AJAP1: variants seen among roughly 807,000 people sequenced by gnomAD.
The protein encoded by AJAP1 is adherens junction-associated protein 1.
Under a neutral mutation model 35.0 loss-of-function variants are expected in AJAP1, and 5 were observed. The ratio of observed to expected loss-of-function variants is 0.14; its 90% confidence interval spans 0.07 to 0.30. The LOEUF is 0.30. Among genes scored for constraint, AJAP1 ranks in the 10% least tolerant of loss-of-function variants. The pLI is 1.00. For synonymous variants in AJAP1, 284 were observed against 249.3 expected (o/e 1.14, Z -1.31); for missense variants, 586 against 571.0 (o/e 1.03, Z -0.27).
Position 4,711,944 on chromosome 1 carries a change from C to A in AJAP1, c.74C>A (p.Ala25Asp). 1 of 1,564,390 alleles carries A rather than the reference C, an allele frequency of 6.4e-7. No homozygotes were observed. The change falls in exon 2 of 6, where the codon GCC becomes GAC. Residue 25 changes from alanine to aspartate, a missense_variant. By Grantham distance (126) the Ala-to-Asp change is moderately radical. Transcript: ENST00000378191. Reference protein sequence around the residue: ...RWPGRPLGSHAWILIAMFQLA... With the variant: ...RWPGRPLGSHDWILIAMFQLA... ...CCGGGCCGCCCCCTCGGAAGCCATG[C>A]CTGGATACTGATAGCCATGTTTCAG...
intron 2 of AJAP1, among the ~76,000 whole-genome samples, chr1:4,762,674 C>T (rs1641595099): frequency 1.3e-5 from 2 of 152,162 alleles, no homozygotes; most frequent in African/African-American, 4.8e-5. Context: ...TAAACTATAA[C>T]CAAGAATATA....
rs903354663 is a variant in AJAP1 at position 4,772,156 on chromosome 1, G to A, written c.918-124G>A. 66 of 1,243,140 alleles carry A rather than the reference G, an allele frequency of 5.3e-5. No individual in the cohort carries two copies. In the Middle Eastern group the frequency reaches 7.7e-4, roughly 15 times the overall value. The allele number at this position is 1,243,140 out of a possible 1,614,324, so 77.0% of individuals were successfully genotyped here. On this transcript the variant is annotated intron_variant, in intron 3 of 5. Coordinates refer to ENST00000378191, the MANE Select transcript of AJAP1 (RefSeq NM_018836.4). ...CTTTCTGAAGAGGCTGGGAATTACC[G>A]TTTAATATGAAATGATGCGTAGCTC...
chr1:4,692,473 A>G lies in AJAP1; in HGVS notation c.30-19427A>G, dbSNP rs1431678715. 6.6e-6 allele frequency among the ~76,000 whole-genome samples: 1 copy of G among 152,162 alleles called. No homozygotes were observed. The highest frequency in any genetic ancestry group is 2.4e-5 in the African/African-American group (1 of 41,418). ...TAATTGCTTTGCTGGCTGGGTCCCA[A>G]GGAAGCACCTGCCCCCAAATTCCCC... On this transcript the variant is annotated intron_variant, in intron 1 of 5. Transcript: ENST00000378191. This position sits in a 1 kb window ranked among gnomAD's most constrained non-coding sequence, Gnocchi z 4.4.
chr1:4,753,328 T>G (rs1326823467), intron 2 of AJAP1, among the ~76,000 whole-genome samples: 1 of 149,158 alleles, frequency 6.7e-6, no homozygotes, highest in Admixed American at 6.6e-5. Flanking sequence ...AGGCCCAGTT[T>G]CCTCTTACAC....
chr1:4,661,147 G>C (rs6426432), intron 1 of AJAP1, among the ~76,000 whole-genome samples: 115,786 of 152,190 alleles, frequency 0.76, 44,723 homozygotes, highest in African/African-American at 0.86. Context: ...GGTGCTCTAT[G>C]AGGACTTGTT....
chr1:4,686,668 C>T (rs372864630), intron 1 of AJAP1, among the ~76,000 whole-genome samples: 284 of 152,322 alleles, frequency 1.9e-3, no homozygotes, highest in African/African-American at 6.2e-3. Flanking sequence ...CCGATCTCAA[C>T]GCCATGAAAT....
chr1:4,721,810 T>A (rs1640522019), intron 2 of AJAP1, among the ~76,000 whole-genome samples: 1 of 152,216 alleles, frequency 6.6e-6, no homozygotes, highest in Non-Finnish European at 1.5e-5. Flanking sequence ...ACACTGCCAA[T>A]GCACCTTGCA....
intron 2 of AJAP1, among the ~76,000 whole-genome samples, chr1:4,717,553 A>G (rs1314681240): frequency 6.6e-6 from 1 of 152,178 alleles, no homozygotes; most frequent in African/African-American, 2.4e-5. Context: ...AAATTTTTAC[A>G]TTGGAATTCA....
At chr1:4,680,371 C>T (rs924760611) in intron 1 of AJAP1, among the ~76,000 whole-genome samples, 5 of 152,190 alleles carry the variant, frequency 3.3e-5, no homozygotes, top group Admixed American at 2.0e-4. Context: ...AATATGACCT[C>T]ATCTTAAATA....
chr1:4,779,093 A>T (rs1642011602), intron 5 of AJAP1, among the ~76,000 whole-genome samples: 1 of 152,194 alleles, frequency 6.6e-6, no homozygotes. Flanking sequence ...CAGGAGACAG[A>T]AGTAAAATAG....
intron 1 of AJAP1, among the ~76,000 whole-genome samples, chr1:4,665,935 G>A (rs1485889617): frequency 1.3e-5 from 2 of 152,220 alleles, no homozygotes; most frequent in African/African-American, 4.8e-5. Flanking sequence ...CCTTCTCAGA[G>A]GATGAGAGGA....
intron 1 of AJAP1, among the ~76,000 whole-genome samples, chr1:4,699,966 C>G (rs1639949841): frequency 6.6e-6 from 1 of 152,202 alleles, no homozygotes; most frequent in South Asian, 2.1e-4. Context: ...CTTTTTCTCT[C>G]TGCGTGCCGT....
chr1:4,774,708 G>C (rs2272877), intron 5 of AJAP1, 150 bp downstream of exon 5: 4 of 572,904 alleles, frequency 7.0e-6, no homozygotes, highest in South Asian at 2.1e-5. Flanking sequence ...TGAGCCGGCG[G>C]GGGGGGCTGG....
chr1:4,737,880 C>T (rs572689850), intron 2 of AJAP1, among the ~76,000 whole-genome samples: 5 of 152,264 alleles, frequency 3.3e-5, no homozygotes, highest in South Asian at 2.1e-4. Context: ...CCAGCCTGGG[C>T]GACAGAGCGA....
Position 4,791,093 on chromosome 1 carries a change from C to T in AJAP1, c.*8608C>T, listed in dbSNP as rs1642242104. The T allele has an allele frequency of 6.6e-6, 1 of 152,186 alleles. No individual in the cohort carries two copies. The highest frequency in any genetic ancestry group is 1.5e-5 in the Non-Finnish European group (1 of 68,026). 9.4% of individuals were successfully genotyped at this position (152,186 alleles called of 1,614,324 possible). ...ATGATTTAAATGGAAAGGAGAATGACAGCAAAGCCTCACGTGAACTTTAAT... is the reference window on the plus strand; with the variant it reads ...ATGATTTAAATGGAAAGGAGAATGATAGCAAAGCCTCACGTGAACTTTAAT... On this transcript the variant is annotated 3_prime_UTR_variant, in exon 6 of 6. Transcript: ENST00000378191.
rs561353550 is a variant in AJAP1 at position 4,665,788 on chromosome 1, A to G, written c.29+10334A>G. Among the ~76,000 whole-genome samples, 5 of 152,356 alleles carry G rather than the reference A, an allele frequency of 3.3e-5. No individual in the cohort carries two copies. In the East Asian group the frequency reaches 7.7e-4, roughly 24 times the overall value. On this transcript the variant is annotated intron_variant, in intron 1 of 5. Transcript: ENST00000378191. ...CCGCGTGCTGGGTGCTGTGCTGGGC[A>G]CAGGGATGAAAAGACCCCTCTCCTG... is the stretch of plus-strand genomic sequence containing the variant.
At chr1:4,741,006 G>A (rs987603026) in intron 2 of AJAP1, among the ~76,000 whole-genome samples, 3 of 151,998 alleles carry the variant, frequency 2.0e-5, no homozygotes, top group African/African-American at 7.3e-5. Context: ...GGAGCTGTCC[G>A]ACTCTGCAAC....
intron 2 of AJAP1, among the ~76,000 whole-genome samples, chr1:4,757,568 G>T (rs1641462613): frequency 6.6e-6 from 1 of 152,230 alleles, no homozygotes; most frequent in African/African-American, 2.4e-5. Context: ...GATCACCATG[G>T]AAACACATCA....
At chr1:4,681,652 G>A (rs1321021203) in intron 1 of AJAP1, among the ~76,000 whole-genome samples, 2 of 152,154 alleles carry the variant, frequency 1.3e-5, no homozygotes, top group Non-Finnish European at 2.9e-5. Flanking sequence ...TTCTCATTCC[G>A]ACCAAGCCTC....
Sources: gnomAD v4.1 joint callset for allele counts (sites outside exome capture counted in the v4.1 genomes callset) on GRCh38, gnomAD v4.1.1 for gene constraint, Gnocchi (gnomAD v3.1) non-coding constraint, MANE v1.5 for transcripts, NCBI Gene and HGNC (gene_info 2026-07-23, HGNC 2026-07-21) for gene names.